CRACD: variants seen among roughly 807,000 people sequenced by gnomAD.
CRACD encodes capping protein inhibiting regulator of actin dynamics.
CRACD carries 56 observed loss-of-function variants against 106.8 expected under a neutral mutation model. The observed-to-expected ratio is 0.52, with a 90% CI of 0.42 to 0.66. The LOEUF is 0.66. Among genes scored for constraint, CRACD ranks in the 30% least tolerant of loss-of-function variants. The pLI is 0.00. For missense variants in CRACD, 1,730 were observed against 1,623.2 expected, an observed-to-expected ratio of 1.07 and a Z score of -1.13; for synonymous variants, 754 against 670.8, an observed-to-expected ratio of 1.12 and a Z score of -1.92.
intron 1 of CRACD, among the ~76,000 whole-genome samples, chr4:56,162,128 A>G (rs1446950738): frequency 6.6e-6 from 1 of 152,096 alleles, no homozygotes; most frequent in East Asian, 1.9e-4. Flanking sequence ...CTTTGTTGAA[A>G]AGCACAATTT....
intron 1 of CRACD, among the ~76,000 whole-genome samples, chr4:56,050,273 AGTGTGTGTGTGTGTGTGTGTGTGT>A (rs3036783): frequency 1.5e-5 from 2 of 134,564 alleles, no homozygotes; most frequent in Middle Eastern, 3.8e-3. Flanking sequence ...TAGGTGAGGG[AGTGTGTGTGTGTGTGTGTGTGTGT>A]GTGTGTGTGT....
intron 2 of CRACD, among the ~76,000 whole-genome samples, chr4:56,245,055 A>C (rs370841399): frequency 3.3e-5 from 5 of 152,184 alleles, no homozygotes; most frequent in Admixed American, 6.5e-5. Flanking sequence ...TGTTTTATTC[A>C]TCTTTCAAGG....
intron 1 of CRACD, among the ~76,000 whole-genome samples, chr4:56,123,880 C>CCA (rs1472249814): frequency 3.3e-5 from 5 of 152,178 alleles, no homozygotes; most frequent in African/African-American, 9.7e-5. Flanking sequence ...ATCTGAACAA[C>CCA]CATGTTTCCT....
intron 1 of CRACD, among the ~76,000 whole-genome samples, chr4:56,082,414 A>G (rs1260762584): frequency 6.6e-6 from 1 of 152,202 alleles, no homozygotes; most frequent in Non-Finnish European, 1.5e-5. Context: ...CCATAAGTTT[A>G]TGTTTTCAAA....
chr4:56,083,702 T>C (rs1733116487), intron 1 of CRACD, among the ~76,000 whole-genome samples: 1 of 152,162 alleles, frequency 6.6e-6, no homozygotes, highest in South Asian at 2.1e-4. Context: ...AGGCTAGGTA[T>C]GGTGGCTCAT....
At chr4:56,113,368 G>T (rs1734181828) in intron 1 of CRACD, among the ~76,000 whole-genome samples, 1 of 152,162 alleles carries the variant, frequency 6.6e-6, no homozygotes, top group Non-Finnish European at 1.5e-5. Context: ...CAAAATAAAT[G>T]TGATGTCTAA....
At chr4:56,320,108 G>A (rs1015502402) in intron 8 of CRACD, among the ~76,000 whole-genome samples, 6 of 150,608 alleles carry the variant, frequency 4.0e-5, no homozygotes, top group Non-Finnish European at 7.4e-5. Context: ...GGATGCAGAG[G>A]TTGCAGTGAG....
intron 1 of CRACD, among the ~76,000 whole-genome samples, chr4:56,155,683 G>T (rs935043103): frequency 5.3e-5 from 8 of 152,196 alleles, no homozygotes; most frequent in African/African-American, 1.9e-4. Flanking sequence ...TCAAGGAAAT[G>T]CAAGAATGAG....
intron 1 of CRACD, among the ~76,000 whole-genome samples, chr4:56,125,117 ATGT>A (rs1482325314): frequency 9.2e-5 from 14 of 152,220 alleles, no homozygotes; most frequent in African/African-American, 3.4e-4. Context: ...AGTAAAGAAG[ATGT>A]TGTGTGATAC....
At chr4:56,092,606 T>A (rs1733457704) in intron 1 of CRACD, among the ~76,000 whole-genome samples, 1 of 152,098 alleles carries the variant, frequency 6.6e-6, no homozygotes, top group Non-Finnish European at 1.5e-5. Context: ...ATTTTTTAAT[T>A]TTTTAATTTT....
At chr4:56,059,491 A>G (rs1485753059) in intron 1 of CRACD, among the ~76,000 whole-genome samples, 1 of 152,016 alleles carries the variant, frequency 6.6e-6, no homozygotes, top group Non-Finnish European at 1.5e-5. Flanking sequence ...AAGAAAAGAA[A>G]ATTTCCATTT....
At chr4:56,146,583 A>T (rs1270830673) in intron 1 of CRACD, among the ~76,000 whole-genome samples, 1 of 97,534 alleles carries the variant, frequency 1.0e-5, no homozygotes, top group Non-Finnish European at 2.0e-5. Flanking sequence ...CCCCACCGCC[A>T]TGTATCTCTT....
chr4:56,179,775 T>C (rs1221563271), intron 2 of CRACD, among the ~76,000 whole-genome samples: 1 of 152,126 alleles, frequency 6.6e-6, no homozygotes, highest in Admixed American at 6.5e-5. Context: ...CCCAGCACTT[T>C]AGGAAGCTGA....
chr4:56,184,603 C>T (rs142300690), intron 2 of CRACD, among the ~76,000 whole-genome samples: 190 of 152,308 alleles, frequency 1.2e-3, no homozygotes, highest in African/African-American at 4.2e-3. Flanking sequence ...TAAATAGTTG[C>T]TGCTCTTGCT....
intron 2 of CRACD, among the ~76,000 whole-genome samples, chr4:56,233,461 T>G (rs1452303875): frequency 6.6e-6 from 1 of 152,176 alleles, no homozygotes; most frequent in African/African-American, 2.4e-5. Context: ...ATTTCCTCAC[T>G]AAATTGCCTT....
intron 1 of CRACD, among the ~76,000 whole-genome samples, chr4:56,162,130 G>A (rs1410544938): frequency 6.6e-6 from 1 of 152,062 alleles, no homozygotes; most frequent in Non-Finnish European, 1.5e-5. Context: ...TTGTTGAAAA[G>A]CACAATTTTG....
intron 2 of CRACD, among the ~76,000 whole-genome samples, chr4:56,255,403 C>G (rs146014789): frequency 1.9e-3 from 296 of 152,060 alleles, no homozygotes; most frequent in Non-Finnish European, 3.4e-3. Flanking sequence ...AATGAAGGCA[C>G]TAATGTAAAG....
At chr4:56,099,953 AGAC>A (rs1237709637) in intron 1 of CRACD, among the ~76,000 whole-genome samples, 1 of 152,202 alleles carries the variant, frequency 6.6e-6, no homozygotes, top group Non-Finnish European at 1.5e-5. Context: ...GTTAAAATAA[AGAC>A]AACTGGCCAG....
At chr4:56,273,307 T>TCC (rs1163970877) in intron 3 of CRACD, among the ~76,000 whole-genome samples, 18 of 151,326 alleles carry the variant, frequency 1.2e-4, no homozygotes, top group African/African-American at 4.4e-4. Context: ...CTTCCTTCCT[T>TCC]TCTTCCTTCC....
Sources: allele counts gnomAD v4.1 joint callset (sites outside exome capture counted in the v4.1 genomes callset), GRCh38; gene constraint gnomAD v4.1.1; transcripts MANE v1.5; gene names NCBI Gene and HGNC (gene_info 2026-07-23, HGNC 2026-07-21).